The following EXOC6B variants were observed in gnomAD, a reference collection of about 807,000 sequenced individuals.
The protein encoded by EXOC6B is exocyst complex component 6B.
In EXOC6B, 54 loss-of-function variants were observed where a neutral mutation model predicts 113.5. The observed-to-expected ratio is 0.48, with a 90% CI of 0.38 to 0.60. The LOEUF is 0.60. Among genes scored for constraint, EXOC6B ranks in the 20% least tolerant of loss-of-function variants. The pLI is 0.00. For missense variants in EXOC6B, 797 were observed against 977.5 expected, an observed-to-expected ratio of 0.82 and a Z score of 2.46; for synonymous variants, 357 against 339.0, an observed-to-expected ratio of 1.05 and a Z score of -0.58.
chr2:72,680,728 G>C (rs1307303767), intron 6 of EXOC6B, among the ~76,000 whole-genome samples: 3 of 149,952 alleles, frequency 2.0e-5, no homozygotes, highest in African/African-American at 4.9e-5. Context: ...GACAGAGCAA[G>C]ACTCCATCTC....
intron 20 of EXOC6B, among the ~76,000 whole-genome samples, chr2:72,301,963 A>T (rs755069923): frequency 7.9e-5 from 12 of 151,936 alleles, no homozygotes; most frequent in Non-Finnish European, 1.2e-4. Context: ...TAACTTTTTG[A>T]TGTGGGCATT....
intron 19 of EXOC6B, chr2:72,354,186 A>C (rs1049039281): frequency 6.6e-6 from 1 of 152,216 alleles, no homozygotes; most frequent in Non-Finnish European, 1.5e-5. Context: ...GCCACTGTCC[A>C]TAGTTAGAGA....
At chr2:72,652,104 T>G (rs1165608434) in intron 6 of EXOC6B, among the ~76,000 whole-genome samples, 2 of 151,062 alleles carry the variant, frequency 1.3e-5, no homozygotes, top group Non-Finnish European at 2.9e-5. Context: ...TAAATTTCTA[T>G]AAAATAAAAC....
At position 72,683,012 on chromosome 2, in the gene EXOC6B, T is replaced by C. The variant is rs376012547; in HGVS notation, c.669+35091A>G. On this transcript the variant is annotated intron_variant, in intron 6 of 21. Transcript: ENST00000272427. Reference sequence around the variant, plus strand: ...CTAATTTGCTATACTTCTTAGAATATCAAACTCTATCAACATTTGACAATC... The same window carrying C: ...CTAATTTGCTATACTTCTTAGAATACCAAACTCTATCAACATTTGACAATC... 1.5e-4 allele frequency among the ~76,000 whole-genome samples: 23 copies of C among 152,314 alleles called. 2 individuals are homozygous for C. The highest frequency in any genetic ancestry group is 4.6e-4 in the African/African-American group (19 of 41,580).
intron 18 of EXOC6B, among the ~76,000 whole-genome samples, chr2:72,431,936 C>T (rs7561471): frequency 0.24 from 36,938 of 152,086 alleles, 7,746 homozygotes; most frequent in African/African-American, 0.57. Context: ...CTGAGAATGA[C>T]GGTTTCCCAC....
chr2:72,572,904 A>T lies in EXOC6B; in HGVS notation c.846+2588T>A, dbSNP rs116377957. Among the ~76,000 whole-genome samples the T allele has an allele frequency of 6.1e-3, 931 of 152,306 alleles. 7 individuals carry two copies. Among genetic ancestry groups the T allele is most frequent in the African/African-American group, 0.021 (854 of 41,566 alleles). The stretch of plus-strand genomic sequence containing the variant: ...CCATTAGATGACAGTGAAGTGCCAA[A>T]TTTTTGTTTTAAGAGCTCAATCAGC... On this transcript the variant is annotated intron_variant, in intron 7 of 21. Transcript: ENST00000272427.
chr2:72,822,184 G>A (rs1686619419), intron 1 of EXOC6B, among the ~76,000 whole-genome samples: 1 of 152,130 alleles, frequency 6.6e-6, no homozygotes, highest in Non-Finnish European at 1.5e-5. Flanking sequence ...TAAATGATTT[G>A]TCATCAAAAT....
At chr2:72,444,432 C>T (rs1279266809) in intron 18 of EXOC6B, among the ~76,000 whole-genome samples, 3 of 152,188 alleles carry the variant, frequency 2.0e-5, no homozygotes, top group African/African-American at 7.2e-5. Flanking sequence ...TGATGGCCCT[C>T]CTCTCACAGC....
At chr2:72,598,782 T>C (rs1670223153) in intron 6 of EXOC6B, among the ~76,000 whole-genome samples, 1 of 152,084 alleles carries the variant, frequency 6.6e-6, no homozygotes, top group Non-Finnish European at 1.5e-5. Flanking sequence ...TCTATACTCA[T>C]GAATTTGATA....
chr2:72,631,336 G>A (rs1672378768), intron 6 of EXOC6B, among the ~76,000 whole-genome samples: 1 of 149,434 alleles, frequency 6.7e-6, no homozygotes, highest in African/African-American at 2.5e-5. Context: ...TTAATATATA[G>A]GACCTCTATG....
chr2:72,792,423 A>T (rs1684724996), intron 1 of EXOC6B, among the ~76,000 whole-genome samples: 1 of 152,242 alleles, frequency 6.6e-6, no homozygotes, highest in Admixed American at 6.5e-5. Flanking sequence ...GGCATATGAC[A>T]CAAAGTATCA....
At chr2:72,667,431 A>G (rs1221217446) in intron 6 of EXOC6B, among the ~76,000 whole-genome samples, 2 of 152,240 alleles carry the variant, frequency 1.3e-5, no homozygotes, top group African/African-American at 2.4e-5. Flanking sequence ...AATCATAAGC[A>G]AAAGGACAAA....
intron 20 of EXOC6B, among the ~76,000 whole-genome samples, chr2:72,307,616 C>T (rs1202815470): frequency 6.6e-6 from 1 of 152,202 alleles, no homozygotes; most frequent in African/African-American, 2.4e-5. Flanking sequence ...TCTCTCACTA[C>T]CCAGTTCAGT....
At chr2:72,565,401 A>T (rs1378465933) in intron 7 of EXOC6B, among the ~76,000 whole-genome samples, 3 of 151,132 alleles carry the variant, frequency 2.0e-5, no homozygotes, top group Non-Finnish European at 4.4e-5. Context: ...ACAAAAATTC[A>T]AGTGGTCTTT....
chr2:72,247,608 A>G lies in EXOC6B; in HGVS notation c.2197-63421T>C, dbSNP rs548869017. Among the ~76,000 whole-genome samples the G allele has an allele frequency of 9.2e-5, 14 of 152,242 alleles. No homozygotes were observed. The South Asian group carries it at 2.7e-3, about 29-fold the overall frequency. ...AGATGTCAAAAGTCCTCCCTTTTAG[A>G]TTTGCTATGAAATTAAGAAACTTTT... is the stretch of plus-strand genomic sequence containing the variant. On this transcript the variant is annotated intron_variant, in intron 20 of 21. Coordinates refer to ENST00000272427, the MANE Select transcript of EXOC6B (RefSeq NM_015189.3).
At chr2:72,632,871 T>G (rs2104287911) in intron 6 of EXOC6B, among the ~76,000 whole-genome samples, 1 of 152,156 alleles carries the variant, frequency 6.6e-6, no homozygotes, top group Admixed American at 6.6e-5. Flanking sequence ...TGATAGAGTT[T>G]GAGTCTCAAC....
chr2:72,646,980 G>A lies in EXOC6B; in HGVS notation c.669+71123C>T, dbSNP rs181450445. 1.6e-3 allele frequency among the ~76,000 whole-genome samples: 243 copies of A among 152,236 alleles called. 1 individual carries two copies. Among genetic ancestry groups the A allele is most frequent in the Non-Finnish European group, 2.6e-3 (178 of 68,012 alleles). ...TTCAGGCAAGAGAAAGAATTAAAGGGTATTCAATTAGGAAAAGAGGAAGTC... is the reference window on the plus strand; with the variant it reads ...TTCAGGCAAGAGAAAGAATTAAAGGATATTCAATTAGGAAAAGAGGAAGTC... On this transcript the variant is annotated intron_variant, in intron 6 of 21. Transcript: ENST00000272427.
chr2:72,254,854 CA>C (rs1201885040), intron 20 of EXOC6B, among the ~76,000 whole-genome samples: 1 of 152,110 alleles, frequency 6.6e-6, no homozygotes, highest in Non-Finnish European at 1.5e-5. Flanking sequence ...CTGAGATTTC[CA>C]AGCAAAATGT....
chr2:72,484,283 G>A (rs557892322), intron 16 of EXOC6B, among the ~76,000 whole-genome samples: 1 of 151,966 alleles, frequency 6.6e-6, no homozygotes, highest in South Asian at 2.1e-4. Context: ...CCTCAGCTGG[G>A]CGCGGTGGCT....
Sources: gnomAD v4.1 joint callset for allele counts (sites outside exome capture counted in the v4.1 genomes callset) on GRCh38, gnomAD v4.1.1 for gene constraint, MANE v1.5 for transcripts, NCBI Gene and HGNC (gene_info 2026-07-23, HGNC 2026-07-21) for gene names.